The following PTPRT variants were observed in gnomAD, a reference collection of about 807,000 sequenced individuals.
PTPRT encodes protein tyrosine phosphatase receptor type T, also known as receptor-type tyrosine-protein phosphatase T.
In PTPRT, 56 loss-of-function variants were observed where a neutral mutation model predicts 176.8. The observed-to-expected ratio is 0.32, with a 90% CI of 0.26 to 0.40. The LOEUF (loss-of-function observed/expected upper bound fraction) is 0.40. Ranked by LOEUF, PTPRT falls within the 10% of genes least tolerant of loss-of-function variation. The pLI, the probability that PTPRT is intolerant of heterozygous loss-of-function variation, is 1.00. For missense variants in PTPRT, 1,540 were observed against 1,908.2 expected, an observed-to-expected ratio of 0.81 and a Z score of 3.60; for synonymous variants, 783 against 739.0, an observed-to-expected ratio of 1.06 and a Z score of -0.96.
intron 2 of PTPRT, among the ~76,000 whole-genome samples, chr20:42,867,965 A>G (rs1480101724): frequency 6.6e-6 from 1 of 152,172 alleles, no homozygotes; most frequent in East Asian, 1.9e-4. Context: ...TACAGGCATG[A>G]GCCACTGCAC....
chr20:42,890,139 A>G (rs1308577167), intron 1 of PTPRT, among the ~76,000 whole-genome samples: 2 of 152,202 alleles, frequency 1.3e-5, no homozygotes, highest in East Asian at 3.9e-4. Context: ...CATCATTCTC[A>G]ATATAAATTG....
intron 1 of PTPRT, among the ~76,000 whole-genome samples, chr20:43,139,790 G>T (rs1473870059): frequency 6.6e-6 from 1 of 152,198 alleles, no homozygotes; most frequent in Non-Finnish European, 1.5e-5. Flanking sequence ...GCCACGTGGG[G>T]CCCTTTCTCC....
chr20:42,622,863 C>G (rs1272208880), intron 7 of PTPRT, among the ~76,000 whole-genome samples: 1 of 152,176 alleles, frequency 6.6e-6, no homozygotes, highest in African/African-American at 2.4e-5. Context: ...CCCCCACCTT[C>G]AAGCCAAGAA....
intron 3 of PTPRT, among the ~76,000 whole-genome samples, chr20:42,788,920 A>C (rs1411570109): frequency 6.6e-6 from 1 of 152,210 alleles, no homozygotes; most frequent in Non-Finnish European, 1.5e-5. Flanking sequence ...GATCTGTACT[A>C]ATTTGACAAC....
intron 2 of PTPRT, among the ~76,000 whole-genome samples, chr20:42,825,949 A>G (rs1469766315): frequency 6.6e-6 from 1 of 152,090 alleles, no homozygotes; most frequent in Non-Finnish European, 1.5e-5. Context: ...TAGGGCTGAA[A>G]ACAAAATTAC....
intron 2 of PTPRT, among the ~76,000 whole-genome samples, chr20:42,883,353 G>T (rs1329777295): frequency 1.3e-5 from 2 of 152,070 alleles, no homozygotes; most frequent in African/African-American, 4.8e-5. Flanking sequence ...TACTTAGGAA[G>T]TAAAATGGCA....
intron 1 of PTPRT, among the ~76,000 whole-genome samples, chr20:43,054,045 T>A (rs1195781129): frequency 1.3e-5 from 2 of 151,902 alleles, no homozygotes; most frequent in Admixed American, 1.3e-4. Flanking sequence ...AACTCCAGAG[T>A]TGAAAACAAT....
chr20:42,896,549 C>T (rs529436822), intron 1 of PTPRT, among the ~76,000 whole-genome samples: 9 of 150,706 alleles, frequency 6.0e-5, no homozygotes, highest in South Asian at 2.1e-4. Flanking sequence ...ACAGGAGAAT[C>T]GCTTGAACCT....
intron 2 of PTPRT, among the ~76,000 whole-genome samples, chr20:42,824,563 A>G (rs2077959648): frequency 6.6e-6 from 1 of 152,092 alleles, no homozygotes; most frequent in Non-Finnish European, 1.5e-5. Flanking sequence ...TAACTATAGT[A>G]TTTGAAAAAA....
At chr20:42,672,216 G>C (rs1434334797) in intron 7 of PTPRT, among the ~76,000 whole-genome samples, 2 of 152,190 alleles carry the variant, frequency 1.3e-5, no homozygotes, top group African/African-American at 4.8e-5. Flanking sequence ...CAATCTGGGT[G>C]AACACAATCT....
intron 5 of PTPRT, among the ~76,000 whole-genome samples, chr20:42,757,426 C>A (rs1409274188): frequency 6.6e-6 from 1 of 152,180 alleles, no homozygotes; most frequent in Admixed American, 6.5e-5. Flanking sequence ...TAAGCTATCA[C>A]CACAGGTAGG....
At chr20:42,728,459 G>T (rs1391988213) in intron 6 of PTPRT, among the ~76,000 whole-genome samples, 1 of 152,162 alleles carries the variant, frequency 6.6e-6, no homozygotes, top group Admixed American at 6.5e-5. Flanking sequence ...TGATCCAGTG[G>T]TGAGGCTAGA....
intron 1 of PTPRT, among the ~76,000 whole-genome samples, chr20:42,911,180 T>C (rs559325311): frequency 6.6e-6 from 1 of 151,004 alleles, no homozygotes; most frequent in East Asian, 1.9e-4. Flanking sequence ...ATGGTGACTC[T>C]CTTAAGAATC....
In PTPRT at chr20:42,804,711, T is replaced by G. The variant is rs558572492; in HGVS notation, c.215-13245A>C. Among the ~76,000 whole-genome samples, 7 of 152,316 alleles carry G rather than the reference T, an allele frequency of 4.6e-5. No individual in the cohort carries two copies. In the East Asian group the frequency reaches 1.2e-3, roughly 25 times the overall value. On this transcript the variant is annotated intron_variant, in intron 2 of 30. Coordinates refer to ENST00000373187, the MANE Select transcript of PTPRT (RefSeq NM_007050.6). ...TCTGAGGCCAGTGAGGGAGAATCTG[T>G]TCCATGCCCTCCCCTAGCTTCTGGT...
chr20:42,913,848 G>C (rs986428096), intron 1 of PTPRT, among the ~76,000 whole-genome samples: 2 of 152,186 alleles, frequency 1.3e-5, no homozygotes, highest in African/African-American at 2.4e-5. Context: ...TGGGTTGCTT[G>C]CTAATTTTAA....
chr20:43,140,719 T>C (rs930068980), intron 1 of PTPRT, among the ~76,000 whole-genome samples: 2 of 152,196 alleles, frequency 1.3e-5, no homozygotes, highest in Admixed American at 6.5e-5. Context: ...GTGTTTCAGA[T>C]TCACCAGGGC....
In PTPRT at chr20:42,106,871, T is replaced by C; in HGVS notation, c.3305A>G (p.Asp1102Gly). The C allele has an allele frequency of 1.2e-6, 2 of 1,614,136 alleles. No homozygotes were observed. The highest frequency in any genetic ancestry group is 1.7e-6 in the Non-Finnish European group (2 of 1,180,028). Residue 1102 changes from aspartate to glycine, a missense_variant, in exon 24 of 31, where the codon GAC becomes GGC. Around this residue, in one of 11 missense-constraint regions of PTPRT, gnomAD observed 248 missense variants for 356.7 expected, o/e 0.70. Transcript: ENST00000373187. ...CACCACCCCTTCATTCTCGGCCATG[T>C]CAAGCATGGTGTCAATGGCAATGAA... ...GCFIAIDTML[D>G]MAENEGVVDI...
chr20:42,661,708 C>T (rs1037435307), intron 7 of PTPRT, among the ~76,000 whole-genome samples: 2 of 152,192 alleles, frequency 1.3e-5, no homozygotes, highest in Admixed American at 1.3e-4. Context: ...CCCCTAACTC[C>T]CACTCTCACC....
At chr20:42,666,728 T>C (rs765041686) in intron 7 of PTPRT, among the ~76,000 whole-genome samples, 10 of 152,248 alleles carry the variant, frequency 6.6e-5, no homozygotes, top group Non-Finnish European at 1.2e-4. Flanking sequence ...TATTTTCATA[T>C]ACATGCTGCA....
Sources: allele counts gnomAD v4.1 joint callset (sites outside exome capture counted in the v4.1 genomes callset), GRCh38; gene constraint gnomAD v4.1.1; regional missense constraint gnomAD v4.1.1; transcripts MANE v1.5; gene names NCBI Gene and HGNC (gene_info 2026-07-23, HGNC 2026-07-21).